Variants in NFIA observed in about 807,000 individuals in gnomAD.
NFIA encodes the protein nuclear factor 1 A-type.
In NFIA, 8 loss-of-function variants were observed where a neutral mutation model predicts 62.8. That is an observed-to-expected ratio of 0.13 (90% CI 0.07 to 0.23). The LOEUF (loss-of-function observed/expected upper bound fraction) is 0.23. Ranked by LOEUF, NFIA falls within the 10% of genes least tolerant of loss-of-function variation. NFIA has a pLI of 1.00. For synonymous variants in NFIA, 235 were observed against 238.1 expected, an observed-to-expected ratio of 0.99 and a Z score of 0.12; for missense variants, 410 against 642.1, an observed-to-expected ratio of 0.64 and a Z score of 3.91.
chr1:61,393,289 CT>C (rs1665098702), intron 7 of NFIA, among the ~76,000 whole-genome samples: 2 of 61,356 alleles, frequency 3.3e-5, no homozygotes, highest in Non-Finnish European at 5.5e-5. Flanking sequence ...CTCTCTCTCT[CT>C]CCCTCTTTCT....
chr1:61,241,983 G>A (rs955904289), intron 2 of NFIA, among the ~76,000 whole-genome samples: 2 of 152,058 alleles, frequency 1.3e-5, no homozygotes, highest in Non-Finnish European at 2.9e-5. Context: ...TAAGACTTCG[G>A]GCTGTGCCTT....
chr1:61,138,713 G>A (rs1647278239), intron 2 of NFIA, among the ~76,000 whole-genome samples: 1 of 151,858 alleles, frequency 6.6e-6, no homozygotes, highest in Admixed American at 6.6e-5. Context: ...CCAAGTAGCT[G>A]GGATTACAGG....
At chr1:61,314,260 CATTGT>C (rs1280470507) in intron 3 of NFIA, among the ~76,000 whole-genome samples, 2 of 152,148 alleles carry the variant, frequency 1.3e-5, no homozygotes, top group Admixed American at 1.3e-4. Context: ...GCCCTTACCA[CATTGT>C]ATTGTAATGC....
At chr1:61,399,759 T>C (rs1381747287) in intron 7 of NFIA, among the ~76,000 whole-genome samples, 1 of 152,220 alleles carries the variant, frequency 6.6e-6, no homozygotes, top group African/African-American at 2.4e-5. Context: ...CTATTTCATA[T>C]GGCCCACGCT....
chr1:61,082,958 TTCTG>T (rs778216953), intron 1 of NFIA, 140 bp downstream of exon 1: 228 of 395,128 alleles, frequency 5.8e-4, no homozygotes, highest in Non-Finnish European at 7.2e-4. Flanking sequence ...CTGCGCGTGT[TTCTG>T]TGTGTGTGCG....
chr1:61,391,445 C>T (rs904308503), intron 7 of NFIA, among the ~76,000 whole-genome samples: 2 of 121,762 alleles, frequency 1.6e-5, no homozygotes, highest in East Asian at 4.3e-4. Context: ...AACACACACA[C>T]ACACACACAC....
rs1668297360 is a variant in NFIA at position 61,456,315 on chromosome 1, T to G, written c.*995T>G. On this transcript the variant is annotated 3_prime_UTR_variant, in exon 11 of 11. Transcript: ENST00000403491. ...AGCCTTGCAAGAAAAAGGGGAGCTA[T>G]TTTTGCTTTTTATGTTTTTTATTGT... 1 of 152,470 alleles carries G rather than the reference T, an allele frequency of 6.6e-6. No individual in the cohort carries two copies. Among genetic ancestry groups the G allele is most frequent in the Non-Finnish European group, 1.5e-5 (1 of 68,010 alleles). 9.4% of individuals were successfully genotyped at this position (152,470 alleles called of 1,614,324 possible).
intron 3 of NFIA, among the ~76,000 whole-genome samples, chr1:61,290,499 T>C (rs1415528036): frequency 6.6e-6 from 1 of 152,162 alleles, no homozygotes; most frequent in East Asian, 1.9e-4. Flanking sequence ...GGTCCCACAT[T>C]CACAGATCAT....
intron 2 of NFIA, among the ~76,000 whole-genome samples, chr1:61,257,187 T>G (rs1656452407): frequency 6.6e-6 from 1 of 152,036 alleles, no homozygotes. Flanking sequence ...GAGGCAAGAA[T>G]AGGTTGTGGG....
chr1:61,167,501 C>A (rs939461503), intron 2 of NFIA, among the ~76,000 whole-genome samples: 1 of 152,104 alleles, frequency 6.6e-6, no homozygotes. Context: ...CACAGGGTGA[C>A]TTTTATGCTA....
intron 3 of NFIA, among the ~76,000 whole-genome samples, chr1:61,300,262 C>T (rs779470834): frequency 6.6e-6 from 1 of 152,024 alleles, no homozygotes; most frequent in African/African-American, 2.4e-5. Flanking sequence ...CTTGCTTATG[C>T]GTTATCTCAT....
intron 9 of NFIA, among the ~76,000 whole-genome samples, chr1:61,422,165 A>T (rs1666649991): frequency 6.6e-6 from 1 of 152,180 alleles, no homozygotes; most frequent in African/African-American, 2.4e-5. Context: ...CAGGAAGTTG[A>T]AATACAAGAA....
chr1:61,227,812 G>A (rs1654424972), intron 2 of NFIA, among the ~76,000 whole-genome samples: 1 of 152,134 alleles, frequency 6.6e-6, no homozygotes, highest in Admixed American at 6.5e-5. Context: ...TCTTTAAGTG[G>A]CCTTGTCTGG....
At chr1:61,136,801 TG>T (rs1315897437) in intron 2 of NFIA, among the ~76,000 whole-genome samples, 1 of 152,084 alleles carries the variant, frequency 6.6e-6, no homozygotes, top group Admixed American at 6.6e-5. Context: ...TTTTTTTGTT[TG>T]GGGGGGTTTT....
At chr1:61,410,752 C>T (rs1392269041) in intron 9 of NFIA, among the ~76,000 whole-genome samples, 1 of 151,840 alleles carries the variant, frequency 6.6e-6, no homozygotes, top group African/African-American at 2.4e-5. Flanking sequence ...ACAAAAAATA[C>T]AAAAATTAGC....
At chr1:61,394,952 T>C (rs188956848) in intron 7 of NFIA, among the ~76,000 whole-genome samples, 2 of 152,138 alleles carry the variant, frequency 1.3e-5, no homozygotes, top group East Asian at 1.9e-4. Context: ...ACTAAAAATA[T>C]AAAAATTAGC....
At chr1:61,432,632 C>CATATATATACACACAT (rs1667152139) in intron 10 of NFIA, among the ~76,000 whole-genome samples, 2 of 150,882 alleles carry the variant, frequency 1.3e-5, no homozygotes, top group East Asian at 3.9e-4. Context: ...CACGTACACA[C>CATATATATACACACAT]ATATATATAC....
Position 61,211,796 on chromosome 1 carries a change from C to T in NFIA, c.560-65724C>T, listed in dbSNP as rs543772935. The stretch of plus-strand genomic sequence containing the variant: ...CACTGCAACCTCTGCCTCATGGGCT[C>T]GAGCCATCCTTGCACCTCAGCCCCC... On this transcript the variant is annotated intron_variant, in intron 2 of 10. Transcript: ENST00000403491. 1.1e-4 allele frequency among the ~76,000 whole-genome samples: 17 copies of T among 152,252 alleles called. 1 individual carries two copies. In the South Asian group the frequency reaches 2.1e-3, roughly 19 times the overall value.
At chr1:61,270,398 A>G (rs1376883824) in intron 2 of NFIA, among the ~76,000 whole-genome samples, 1 of 140,048 alleles carries the variant, frequency 7.1e-6, no homozygotes, top group Non-Finnish European at 1.6e-5. Context: ...TGGAATATGA[A>G]TGCAAGAAAA....
Sources: allele counts gnomAD v4.1 joint callset (sites outside exome capture counted in the v4.1 genomes callset), GRCh38; gene constraint gnomAD v4.1.1; transcripts MANE v1.5; gene names NCBI Gene and HGNC (gene_info 2026-07-23, HGNC 2026-07-21).